FYTTD1: variants seen among roughly 807,000 people sequenced by gnomAD.
FYTTD1 encodes the protein forty-two-three domain containing 1, also known as UAP56-interacting factor.
Under a neutral mutation model 40.9 loss-of-function variants are expected in FYTTD1, and 22 were observed. That is an observed-to-expected ratio of 0.54 (90% CI 0.38 to 0.77). The LOEUF is 0.77. FYTTD1 is among the 30% of genes least tolerant of loss of function. FYTTD1 has a pLI of 0.00. For missense variants in FYTTD1, 351 were observed against 392.2 expected (o/e 0.90, Z 0.89); for synonymous variants, 140 against 137.9 (o/e 1.01, Z -0.10).
intron 4 of FYTTD1, among the ~76,000 whole-genome samples, chr3:197,772,025 C>T (rs1248358396): frequency 6.6e-6 from 1 of 151,816 alleles, no homozygotes; most frequent in African/African-American, 2.4e-5. Flanking sequence ...ACCTGGGGGG[C>T]GGAAGTTGCA....
At chr3:197,760,000 A>G (rs1182990078) in intron 2 of FYTTD1, among the ~76,000 whole-genome samples, 2 of 149,834 alleles carry the variant, frequency 1.3e-5, no homozygotes, top group African/African-American at 5.0e-5. Context: ...GGTAGAACAT[A>G]CGGAGTTGTT....
rs778922334 is a variant in FYTTD1, at chr3:197,749,930, C to T, written c.-42C>T. The T allele has an allele frequency of 7.9e-6, 11 of 1,389,630 alleles. No homozygotes were observed. Among genetic ancestry groups the T allele is most frequent in the Non-Finnish European group, 9.8e-6 (10 of 1,020,518 alleles). 86.1% of individuals were successfully genotyped at this position (1,389,630 alleles called of 1,614,324 possible). A position where few individuals can be genotyped will look rare whatever the true frequency, so the allele number is the denominator to read the frequency against. Reference sequence around the variant, plus strand: ...AGTGGGAGGTGGCAGGCCTGCGACTCCGGCCTTGTCCGCGCCCGCTCTCGG... The same window carrying T: ...AGTGGGAGGTGGCAGGCCTGCGACTTCGGCCTTGTCCGCGCCCGCTCTCGG... On this transcript the variant is annotated 5_prime_UTR_variant, in exon 1 of 9. Transcript: ENST00000241502.
intron 2 of FYTTD1, among the ~76,000 whole-genome samples, chr3:197,765,355 A>C (rs1034528729): frequency 6.6e-6 from 1 of 152,280 alleles, no homozygotes. Context: ...GATTGTTAGC[A>C]TCAGTCTTAT....
chr3:197,765,876 G>A (rs1392973747), intron 2 of FYTTD1, among the ~76,000 whole-genome samples: 5 of 152,194 alleles, frequency 3.3e-5, no homozygotes, highest in African/African-American at 1.2e-4. Context: ...GGCACCTGTA[G>A]TACCAGCTAC....
rs552905618 is a variant in FYTTD1 at position 197,784,677 on chromosome 3, G to C, written c.*2768G>C. 4.6e-5 allele frequency: 7 copies of C among 152,398 alleles called. No homozygotes were observed. Among genetic ancestry groups the C allele is most frequent in the Admixed American group, 2.6e-4 (4 of 15,298 alleles). The allele number at this position is 152,398 out of a possible 1,614,324, so 9.4% of individuals were successfully genotyped here. On this transcript the variant is annotated 3_prime_UTR_variant, in exon 9 of 9. Transcript: ENST00000241502. ...GTGGTGACATGTGCCTGTGGTCCCAGCTACTTGGGAGGCTGAGGCGGGAGA... is the reference window on the plus strand; with the variant it reads ...GTGGTGACATGTGCCTGTGGTCCCACCTACTTGGGAGGCTGAGGCGGGAGA...
At chr3:197,749,618 A>T (rs1451745333), upstream of FYTTD1, 3 of 1,051,814 alleles carry the variant, frequency 2.9e-6, no homozygotes, top group Non-Finnish European at 3.9e-6. Context: ...AAGGACACGG[A>T]GGATTATATC....
In FYTTD1 at chr3:197,784,570, C is replaced by A. The variant is rs916130297; in HGVS notation, c.*2661C>A. The A allele has an allele frequency of 6.6e-6, 1 of 152,146 alleles. No homozygotes were observed. The highest frequency in any genetic ancestry group is 6.6e-5 in the Admixed American group (1 of 15,262). The allele number at this position is 152,146 out of a possible 1,614,324, so 9.4% of individuals were successfully genotyped here. A position where few individuals can be genotyped will look rare whatever the true frequency, so the allele number is the denominator to read the frequency against. ...CAGAACTTGGGGAGGCCAAGGCGGG[C>A]GGATCATGAGGCCAGGAGCAAGACC... On this transcript the variant is annotated 3_prime_UTR_variant, in exon 9 of 9. Transcript: ENST00000241502.
chr3:197,763,435 T>C, intron 2 of FYTTD1: 1 of 374,378 alleles, frequency 2.7e-6, no homozygotes, highest in Middle Eastern at 3.7e-4. Flanking sequence ...AAAAAAGTTT[T>C]TATTTTAATT....
rs187136066 is a variant in FYTTD1, at chr3:197,770,218, C to T, written c.471C>T (p.Leu157=). 3.7e-5 allele frequency: 59 copies of T among 1,611,496 alleles called. No individual in the cohort carries two copies. In the Admixed American group the frequency reaches 7.0e-4, roughly 19 times the overall value. The part of the protein sequence containing the change: ...NEGQRKPVAV[L]KRPSQLSRKN... ...GGCAGAGGAAACCAGTAGCAGTTCT[C>T]AAGAGACCTAGCCAGCTAAGCAGAA... Residue 157 remains leucine (L), a synonymous_variant, in exon 4 of 9, where the codon CTC becomes CTT. Coordinates refer to ENST00000241502, the MANE Select transcript of FYTTD1 (RefSeq NM_032288.7).
rs1053614310 is a variant in FYTTD1, at chr3:197,771,572, C to T, written c.497+1328C>T. 1.1e-4 allele frequency among the ~76,000 whole-genome samples: 16 copies of T among 151,596 alleles called. No homozygotes were observed. In the East Asian group the frequency reaches 1.8e-3, roughly 17 times the overall value. On this transcript the variant is annotated intron_variant, in intron 4 of 8. Coordinates refer to ENST00000241502, the MANE Select transcript of FYTTD1 (RefSeq NM_032288.7). Reference sequence around the variant, plus strand: ...CGGGCGGATCACGAGGTCAGGAGATCGAGACCATCCCGGCTAAAAACGGTG... The same window carrying T: ...CGGGCGGATCACGAGGTCAGGAGATTGAGACCATCCCGGCTAAAAACGGTG...
At chr3:197,763,430 AG>A in intron 2 of FYTTD1, 2 of 364,916 alleles carry the variant, frequency 5.5e-6, no homozygotes, top group South Asian at 2.0e-5. Context: ...AAAAAAAAAA[AG>A]TTTTTATTTT....
intron 6 of FYTTD1, among the ~76,000 whole-genome samples, chr3:197,775,088 C>CT (rs777226600): frequency 7.9e-5 from 12 of 151,052 alleles, no homozygotes; most frequent in Non-Finnish European, 1.6e-4. Flanking sequence ...TTTTCTTTTT[C>CT]TTTTTTTTGC....
At chr3:197,761,030 AGACTTGTTCTTCAGTG>A (rs1266981254) in intron 2 of FYTTD1, among the ~76,000 whole-genome samples, 121 of 146,192 alleles carry the variant, frequency 8.3e-4, no homozygotes, top group African/African-American at 2.8e-3. Flanking sequence ...TAGAATGTAT[AGACTTGTTCTTCAGTG>A]GTAGAATGTA....
intron 1 of FYTTD1, chr3:197,750,948 T>A: frequency 1.5e-6 from 1 of 669,752 alleles, no homozygotes; most frequent in Non-Finnish European, 1.8e-6. Context: ...CCAGCCGCTG[T>A]GGTTAGCTTA....
At chr3:197,773,543 T>TTTC in intron 5 of FYTTD1, 44 bp downstream of exon 5, 1 of 594,952 alleles carries the variant, frequency 1.7e-6, no homozygotes. Flanking sequence ...TTGTTTGTTT[T>TTTC]TTCCCAAAGA....
chr3:197,758,599 G>T (rs1235606371), intron 2 of FYTTD1, among the ~76,000 whole-genome samples: 2 of 152,176 alleles, frequency 1.3e-5, no homozygotes, highest in Non-Finnish European at 2.9e-5. Context: ...TGTCAGAAAA[G>T]CTTTCCTTTT....
chr3:197,766,418 G>A (rs1369273547), intron 2 of FYTTD1, among the ~76,000 whole-genome samples: 2 of 46,370 alleles, frequency 4.3e-5, no homozygotes, highest in African/African-American at 1.0e-4. Context: ...GGTGTGTGTC[G>A]TGTTTGAGAC....
Position 197,785,796 on chromosome 3 carries a change from C to G in FYTTD1, c.*3887C>G, listed in dbSNP as rs748361521. 6.6e-6 allele frequency: 1 copy of G among 151,982 alleles called. No homozygotes were observed. The highest frequency in any genetic ancestry group is 1.5e-5 in the Non-Finnish European group (1 of 68,016). The allele number at this position is 151,982 out of a possible 1,614,324, so 9.4% of individuals were successfully genotyped here. Reference sequence around the variant, plus strand: ...GGCAATATTAAAGCAGAAAATAATTCATTTCTGATCAGTAGTGCTTTCAGT... The same window carrying G: ...GGCAATATTAAAGCAGAAAATAATTGATTTCTGATCAGTAGTGCTTTCAGT... On this transcript the variant is annotated 3_prime_UTR_variant, in exon 9 of 9. Coordinates refer to ENST00000241502, the MANE Select transcript of FYTTD1 (RefSeq NM_032288.7).
intron 1 of FYTTD1, among the ~76,000 whole-genome samples, chr3:197,753,753 T>TTTTA (rs932067978): frequency 6.6e-6 from 1 of 152,084 alleles, no homozygotes; most frequent in African/African-American, 2.4e-5. Flanking sequence ...CTGTATTTTA[T>TTTTA]TTTATTTATT....
Sources: allele counts gnomAD v4.1 joint callset (sites outside exome capture counted in the v4.1 genomes callset), GRCh38; gene constraint gnomAD v4.1.1; transcripts MANE v1.5; gene names NCBI Gene and HGNC (gene_info 2026-07-23, HGNC 2026-07-21).